EXOC7: variants seen among roughly 807,000 people sequenced by gnomAD.
EXOC7 encodes the protein exocyst complex component Exo70.
In EXOC7, 51 loss-of-function variants were observed where a neutral mutation model predicts 87.6. The ratio of observed to expected loss-of-function variants is 0.58; its 90% CI spans 0.46 to 0.73. The LOEUF is 0.73. EXOC7 is among the 30% of genes least tolerant of loss of function. The pLI, the probability that EXOC7 is intolerant of heterozygous loss-of-function variation, is 0.00. For missense variants in EXOC7, 744 were observed against 888.4 expected (o/e 0.84, Z 2.07); for synonymous variants, 327 against 357.1 (o/e 0.92, Z 0.95).
chr17:76,102,199 G>A (rs879091941), intron 2 of EXOC7, among the ~76,000 whole-genome samples: 7 of 152,076 alleles, frequency 4.6e-5, no homozygotes, highest in South Asian at 4.1e-4. Flanking sequence ...TTCCTAAACC[G>A]GACTGGAAGT....
At chr17:76,088,350 C>T in intron 10 of EXOC7, 114 bp downstream of exon 10, 2 of 1,125,930 alleles carry the variant, frequency 1.8e-6, no homozygotes, top group Non-Finnish European at 2.6e-6. Context: ...AGTGGCGCAG[C>T]TGGCTGCCCC....
At chr17:76,090,245 C>A (rs2067413461) in intron 7 of EXOC7, 2 of 1,467,742 alleles carry the variant, frequency 1.4e-6, no homozygotes, top group African/African-American at 2.8e-5. Flanking sequence ...GTGGGCCCAG[C>A]TGGGCCAGGC....
In EXOC7 at chr17:76,082,101, T is replaced by TG. The variant is rs2067008582; in HGVS notation, c.*1546dup. On this transcript the variant is annotated 3_prime_UTR_variant, in exon 19 of 19. Transcript: ENST00000589210. ...TGAGGCCTAGGTGCACACCTAGGGC[T>TG]GGGGTGAGGGCACGGAGGTCCAGGT... 4 of 1,536,284 alleles carry TG rather than the reference T, an allele frequency of 2.6e-6. No individual in the cohort carries two copies. The highest frequency in any genetic ancestry group is 3.5e-6 in the Non-Finnish European group (4 of 1,146,114).
chr17:76,094,286 T>G (rs2067639729), intron 6 of EXOC7, 128 bp downstream of exon 6: 29 of 1,004,994 alleles, frequency 2.9e-5, no homozygotes, highest in Non-Finnish European at 3.4e-5. Context: ...CCTGTGTACC[T>G]ACAGTCGGGG....
chr17:76,094,345 T>C lies in EXOC7; in HGVS notation c.808+69A>G, dbSNP rs555126012. ...GGGGCCTGACGCTGCGAACGCTAGA[T>C]TGGACTAAAGCAGTACAGTCCCAGT... On this transcript the variant is annotated intron_variant, in intron 6 of 18. Coordinates refer to ENST00000589210, the MANE Select transcript of EXOC7 (RefSeq NM_001013839.4). 35 of 1,508,516 alleles carry C rather than the reference T, an allele frequency of 2.3e-5. No homozygotes were observed. The East Asian group carries it at 7.3e-4, about 32-fold the overall frequency. 93.4% of individuals were successfully genotyped at this position (1,508,516 alleles called of 1,614,324 possible).
intron 12 of EXOC7, chr17:76,086,879 T>G: frequency 1.9e-6 from 3 of 1,551,348 alleles, no homozygotes; most frequent in Non-Finnish European, 8.7e-7. Context: ...GAATATTGTA[T>G]GTGTCCCCAA....
chr17:76,090,394 T>C (rs1195672438), intron 7 of EXOC7: 7 of 1,551,580 alleles, frequency 4.5e-6, no homozygotes, highest in Non-Finnish European at 6.1e-6. Flanking sequence ...ATCATGCTCG[T>C]GACCTGGCGA....
rs755090456 is a variant in EXOC7, at chr17:76,089,273, C to T, written c.949G>A (p.Val317Ile). ...TGCGCCAGCTTGACGAAGGCACTGACGCAGTGGATGTAGGCATCGGTCTCC... is the reference window on the plus strand; with the variant it reads ...TGCGCCAGCTTGACGAAGGCACTGATGCAGTGGATGTAGGCATCGGTCTCC... ...DVETDAYIHC[V>I]SAFVKLAQSE... The change falls in exon 8 of 19, where the codon GTC (valine) becomes ATC (isoleucine). Residue 317 changes from valine (V) to isoleucine (I), a missense_variant. Val to Ile is a conservative substitution (Grantham distance 29, BLOSUM62 3). Coordinates refer to ENST00000589210, the MANE Select transcript of EXOC7 (RefSeq NM_001013839.4). 5.6e-6 allele frequency: 9 copies of T among 1,614,136 alleles called. No homozygotes were observed. The highest frequency in any genetic ancestry group is 2.2e-5 in the South Asian group (2 of 91,092).
intron 4 of EXOC7, among the ~76,000 whole-genome samples, chr17:76,100,177 T>C (rs1051911115): frequency 2.6e-5 from 4 of 151,768 alleles, no homozygotes; most frequent in African/African-American, 9.7e-5. Context: ...GAAAGTGGAA[T>C]GGTGGTTACC....
chr17:76,088,375 T>C, intron 10 of EXOC7, 89 bp downstream of exon 10: 1 of 1,345,346 alleles, frequency 7.4e-7, no homozygotes. Context: ...CAACGCACCC[T>C]CTTGGAGGCC....
At chr17:76,101,226 G>A in intron 4 of EXOC7, 45 bp downstream of exon 4, 1 of 1,614,100 alleles carries the variant, frequency 6.2e-7, no homozygotes, top group East Asian at 2.2e-5. Context: ...CCAGGGCAGA[G>A]ACTGATATCC....
At chr17:76,089,070 C>G (rs1398308618) in intron 8 of EXOC7, 105 bp downstream of exon 8, 1 of 1,555,728 alleles carries the variant, frequency 6.4e-7, no homozygotes, top group Non-Finnish European at 8.8e-7. Context: ...AGGACCGGTC[C>G]CCAGGGCACG....
intron 7 of EXOC7, chr17:76,090,429 A>G (rs1464901235): frequency 1.3e-6 from 2 of 1,551,614 alleles, no homozygotes; most frequent in African/African-American, 1.4e-5. Flanking sequence ...AAACACAAGC[A>G]GCGTTTATCC....
chr17:76,087,931 G>C (rs1237759020), intron 11 of EXOC7, 129 bp downstream of exon 11: 7 of 1,092,620 alleles, frequency 6.4e-6, no homozygotes, highest in Admixed American at 2.1e-5. Flanking sequence ...TGCCACCCAG[G>C]ACTGCTCACA....
chr17:76,084,482 C>G lies in EXOC7; in HGVS notation c.1776+35G>C, dbSNP rs202147785. 4.4e-5 allele frequency: 71 copies of G among 1,609,982 alleles called. No individual in the cohort carries two copies. The African/African-American group carries it at 8.8e-4, about 20-fold the overall frequency. On this transcript the variant is annotated intron_variant, in intron 16 of 18. Coordinates refer to ENST00000589210, the MANE Select transcript of EXOC7 (RefSeq NM_001013839.4). ...ACACGACAAAAAGTATCCCGTCTGC[C>G]AGACACCCCTTCCCAGCCCAGGTCT...
In EXOC7 at chr17:76,081,534, TC is replaced by T. The variant is rs1475670024; in HGVS notation, c.*2113del. 6.2e-7 allele frequency: 1 copy of T among 1,612,932 alleles called. No individual in the cohort carries two copies. The highest frequency in any genetic ancestry group is 8.5e-7 in the Non-Finnish European group (1 of 1,179,930). On this transcript the variant is annotated 3_prime_UTR_variant, in exon 19 of 19. Coordinates refer to ENST00000589210, the MANE Select transcript of EXOC7 (RefSeq NM_001013839.4). Reference sequence around the variant, plus strand: ...CCCCCGCCGGGAAGGCCCTGACTTTTCCCCTTCCAGCTGAGGCTGAAGAACA... The same window carrying T: ...CCCCCGCCGGGAAGGCCCTGACTTTTCCCTTCCAGCTGAGGCTGAAGAACA...
At chr17:76,088,180 G>C in intron 10 of EXOC7, 58 bp from the exon 11 acceptor site, 3 of 1,553,410 alleles carry the variant, frequency 1.9e-6, no homozygotes, top group Non-Finnish European at 2.7e-6. Flanking sequence ...CCATGCCCCA[G>C]TGCACCTGCT....
At chr17:76,094,175 C>T (rs1358740248) in intron 6 of EXOC7, 5 of 466,914 alleles carry the variant, frequency 1.1e-5, no homozygotes, top group Non-Finnish European at 1.5e-5. Flanking sequence ...TGTGTTACTC[C>T]CCTACTCCAA....
Position 76,103,403 on chromosome 17 carries a change from G to A in EXOC7, c.84C>T (p.Ile28=), listed in dbSNP as rs1256701073. 6 of 1,607,946 alleles carry A rather than the reference G, an allele frequency of 3.7e-6. No homozygotes were observed. The East Asian group carries it at 1.3e-4, about 36-fold the overall frequency. The part of the protein sequence containing the change: ...LKQEEETLSF[I]RDSLEKSDQL... ...GGTCGCTCTTCTCCAGGCTGTCTCG[G>A]ATGAAGGACAGAGTCTCCTCCTCCT... is the stretch of plus-strand genomic sequence containing the variant. Residue 28 remains isoleucine, a synonymous_variant, in exon 2 of 19, where the codon ATC becomes ATT. Transcript: ENST00000589210.
Sources: allele counts gnomAD v4.1 joint callset (sites outside exome capture counted in the v4.1 genomes callset), GRCh38; gene constraint gnomAD v4.1.1; transcripts MANE v1.5; gene names NCBI Gene and HGNC (gene_info 2026-07-23, HGNC 2026-07-21).